The following SYN3 variants were observed in gnomAD, a reference collection of about 807,000 sequenced individuals.
The protein encoded by SYN3 is synapsin-3.
A neutral mutation model predicts 65.8 loss-of-function variants in SYN3; 35 were observed. That is an observed-to-expected ratio of 0.53 (90% CI 0.41 to 0.70). The LOEUF is 0.70. Among genes scored for constraint, SYN3 ranks in the 30% least tolerant of loss-of-function variants. The pLI, the probability that SYN3 is intolerant of heterozygous loss-of-function variation, is 0.00. For missense variants in SYN3, 680 were observed against 749.0 expected (o/e 0.91, Z 1.08); for synonymous variants, 270 against 292.9 (o/e 0.92, Z 0.80).
At chr22:32,791,450 C>T (rs2046321384) in intron 6 of SYN3, among the ~76,000 whole-genome samples, 1 of 152,036 alleles carries the variant, frequency 6.6e-6, no homozygotes, top group Non-Finnish European at 1.5e-5. Context: ...CAATGCCCTA[C>T]TAAGTGTCAC....
At chr22:32,862,972 G>A (rs536305587) in intron 6 of SYN3, 3 of 152,770 alleles carry the variant, frequency 2.0e-5, no homozygotes, top group African/African-American at 7.2e-5. Context: ...GTCTTGTAAT[G>A]TTGCATAATG....
intron 4 of SYN3, among the ~76,000 whole-genome samples, chr22:32,907,151 T>C (rs1220760284): frequency 1.3e-5 from 2 of 152,226 alleles, no homozygotes; most frequent in South Asian, 2.1e-4. Flanking sequence ...TTATATCTAT[T>C]GTGTGCTCAT....
At chr22:32,673,805 GT>G (rs1410214909) in intron 6 of SYN3, among the ~76,000 whole-genome samples, 1 of 152,340 alleles carries the variant, frequency 6.6e-6, no homozygotes, top group South Asian at 2.1e-4. Flanking sequence ...CCATATGTAA[GT>G]TTCCCCAAAT....
intron 7 of SYN3, among the ~76,000 whole-genome samples, chr22:32,594,436 G>A (rs1000677326): frequency 6.6e-6 from 1 of 152,118 alleles, no homozygotes; most frequent in African/African-American, 2.4e-5. Flanking sequence ...AGATGTCCAA[G>A]CTATGGGTCA....
At chr22:32,851,365 T>C (rs950630518) in intron 6 of SYN3, among the ~76,000 whole-genome samples, 92 of 152,206 alleles carry the variant, frequency 6.0e-4, no homozygotes, top group African/African-American at 2.0e-3. Flanking sequence ...GAGACCAGGG[T>C]GACCAGAGGC....
chr22:32,966,498 G>T (rs73408546), intron 3 of SYN3, among the ~76,000 whole-genome samples: 4,261 of 152,216 alleles, frequency 0.028, 215 homozygotes, highest in African/African-American at 0.096. Flanking sequence ...CAGAGCTTGA[G>T]ACCCCCAAAA....
At chr22:32,582,616 G>A (rs1439827347) in intron 7 of SYN3, among the ~76,000 whole-genome samples, 1 of 152,120 alleles carries the variant, frequency 6.6e-6, no homozygotes, top group Non-Finnish European at 1.5e-5. Context: ...CTAGACTCAA[G>A]TGATTCTCCC....
Position 32,518,328 on chromosome 22 carries a change from G to T in SYN3, c.1325C>A (p.Pro442His), listed in dbSNP as rs757755311. Residue 442 changes from proline (P) to histidine (H), a missense_variant, in exon 13 of 14, where the codon CCT becomes CAT. Physicochemically the swap from Pro to His is moderately conservative, Grantham distance 77 (BLOSUM62 -2). Coordinates refer to ENST00000358763, the MANE Select transcript of SYN3 (RefSeq NM_003490.4). The stretch of plus-strand genomic sequence containing the variant: ...GGGCTGAGGAGACTGAGCTTGGCGA[G>T]GGCCTCCTAAGGGGCCAGAAAAAAA... ...PQPRPPPQGG[P>H]RQAQSPQPQR... The T allele has an allele frequency of 3.1e-6, 5 of 1,608,986 alleles. No homozygotes were observed. Among genetic ancestry groups the T allele is most frequent in the Non-Finnish European group, 4.2e-6 (5 of 1,177,562 alleles).
At chr22:32,584,378 T>C (rs941616604) in intron 7 of SYN3, among the ~76,000 whole-genome samples, 1 of 152,194 alleles carries the variant, frequency 6.6e-6, no homozygotes, top group Non-Finnish European at 1.5e-5. Flanking sequence ...TTTTGGTGAT[T>C]GGAGTGCGGT....
At chr22:32,944,729 A>C (rs1281264003) in intron 3 of SYN3, among the ~76,000 whole-genome samples, 1 of 152,216 alleles carries the variant, frequency 6.6e-6, no homozygotes, top group African/African-American at 2.4e-5. Context: ...AAGGGCATTC[A>C]ATTAGGAAAA....
rs536934579 is a variant in SYN3 at position 32,513,485 on chromosome 22, C to T, written c.*207G>A. On this transcript the variant is annotated 3_prime_UTR_variant, in exon 14 of 14. Coordinates refer to ENST00000358763, the MANE Select transcript of SYN3 (RefSeq NM_003490.4). Reference sequence around the variant, plus strand: ...AGGAACCTGGAGGCTCTCAAAGGCCCACCTCACAGTCAGACAATGCTGGAA... The same window carrying T: ...AGGAACCTGGAGGCTCTCAAAGGCCTACCTCACAGTCAGACAATGCTGGAA... 1.4e-5 allele frequency: 9 copies of T among 625,336 alleles called. No individual in the cohort carries two copies. In the East Asian group the frequency reaches 2.5e-4, roughly 18 times the overall value. The allele number at this position is 625,336 out of a possible 1,614,324, so 38.7% of individuals were successfully genotyped here.
At chr22:32,710,523 C>A (rs549785990) in intron 6 of SYN3, among the ~76,000 whole-genome samples, 1 of 151,370 alleles carries the variant, frequency 6.6e-6, no homozygotes, top group Non-Finnish European at 1.5e-5. Context: ...ATCCCAGCTA[C>A]TTGGGAGGCT....
intron 6 of SYN3, among the ~76,000 whole-genome samples, chr22:32,663,385 G>C (rs1168936607): frequency 1.3e-5 from 2 of 149,094 alleles, no homozygotes; most frequent in Non-Finnish European, 3.0e-5. Flanking sequence ...TGCAAGCTCC[G>C]CCTCCCGGGT....
At chr22:32,589,880 C>G (rs1005415546) in intron 7 of SYN3, among the ~76,000 whole-genome samples, 1 of 152,158 alleles carries the variant, frequency 6.6e-6, no homozygotes, top group African/African-American at 2.4e-5. Context: ...ATTGGTGCAG[C>G]CCAGAACACC....
At chr22:32,881,929 G>C (rs1240025949) in intron 4 of SYN3, among the ~76,000 whole-genome samples, 1 of 152,022 alleles carries the variant, frequency 6.6e-6, no homozygotes, top group African/African-American at 2.4e-5. Context: ...GGTGGCATGT[G>C]CCTGTAGTCC....
chr22:33,022,772 A>G lies in SYN3; in HGVS notation c.-162-15948T>C, dbSNP rs2053581393. On this transcript the variant is annotated intron_variant, in intron 1 of 13. Coordinates refer to ENST00000358763, the MANE Select transcript of SYN3 (RefSeq NM_003490.4). ...CTTCCATTTATTTGCAACCACTCCC[A>G]CAAACTGAAATATATTCAAATACAG... is the stretch of plus-strand genomic sequence containing the variant. 2.0e-5 allele frequency among the ~76,000 whole-genome samples: 3 copies of G among 152,198 alleles called. No homozygotes were observed. In the South Asian group the frequency reaches 6.2e-4, roughly 32 times the overall value.
At chr22:32,921,596 A>C (rs2050335565) in intron 4 of SYN3, among the ~76,000 whole-genome samples, 1 of 152,232 alleles carries the variant, frequency 6.6e-6, no homozygotes. Context: ...CCTGGGTTCA[A>C]ATCCAAGTGG....
At chr22:32,952,717 C>G (rs909459407) in intron 3 of SYN3, among the ~76,000 whole-genome samples, 1 of 152,080 alleles carries the variant, frequency 6.6e-6, no homozygotes, top group Non-Finnish European at 1.5e-5. Context: ...ATTGCACCAT[C>G]GCCCTGCAGC....
chr22:32,912,720 C>CT, intron 4 of SYN3, among the ~76,000 whole-genome samples: 1 of 136,474 alleles, frequency 7.3e-6, no homozygotes, highest in African/African-American at 2.6e-5. Context: ...GACCTTTTCT[C>CT]TAAAAAAAAA....
Sources: gnomAD v4.1 joint callset for allele counts (sites outside exome capture counted in the v4.1 genomes callset) on GRCh38, gnomAD v4.1.1 for gene constraint, MANE v1.5 for transcripts, NCBI Gene and HGNC (gene_info 2026-07-23, HGNC 2026-07-21) for gene names.